NR3C2: variants seen among roughly 807,000 people sequenced by gnomAD.
NR3C2 encodes mineralocorticoid receptor.
NR3C2 carries 15 observed loss-of-function variants against 86.4 expected under a neutral mutation model. That is an observed-to-expected ratio of 0.17 (90% CI 0.12 to 0.27). The LOEUF (loss-of-function observed/expected upper bound fraction) is 0.27, where lower values mean the gene tolerates loss of function less well. NR3C2 is among the 10% of genes least tolerant of loss of function. The pLI is 1.00. For missense variants in NR3C2, 960 were observed against 1,195.6 expected (o/e 0.80, Z 2.91); for synonymous variants, 458 against 450.5 (o/e 1.02, Z -0.21).
intron 8 of NR3C2, among the ~76,000 whole-genome samples, chr4:148,094,572 G>A (rs572548735): frequency 1.3e-3 from 202 of 152,090 alleles, no homozygotes; most frequent in African/African-American, 4.0e-3. Flanking sequence ...AAAATTAGCC[G>A]GGTGTGGTGA....
At chr4:148,149,415 A>ATAT in intron 6 of NR3C2, among the ~76,000 whole-genome samples, 1 of 152,254 alleles carries the variant, frequency 6.6e-6, no homozygotes, top group Admixed American at 6.5e-5. Context: ...TTCAAATATA[A>ATAT]GGTGCTTTCC....
intron 2 of NR3C2, among the ~76,000 whole-genome samples, chr4:148,278,172 G>A (rs1378871172): frequency 6.6e-6 from 1 of 151,934 alleles, no homozygotes; most frequent in Non-Finnish European, 1.5e-5. Context: ...TGTGATCTCG[G>A]ATCACTGCCA....
chr4:148,417,985 G>C (rs1270985036), intron 2 of NR3C2, among the ~76,000 whole-genome samples: 1 of 152,108 alleles, frequency 6.6e-6, no homozygotes, highest in Non-Finnish European at 1.5e-5. Flanking sequence ...CCTATAATCA[G>C]AACACTAGAC....
intron 8 of NR3C2, among the ~76,000 whole-genome samples, chr4:148,083,921 CAG>C (rs1214153830): frequency 2.0e-5 from 3 of 151,826 alleles, no homozygotes; most frequent in Non-Finnish European, 2.9e-5. Context: ...GAAAGAATAT[CAG>C]AGATTTAAGA....
Position 148,278,991 on chromosome 4 carries a change from G to A in NR3C2, c.1758-18874C>T, listed in dbSNP as rs146589222. Reference sequence around the variant, plus strand: ...CAGCCTGGCCACATAGTGAAACCCCGTCCCTACTAAAAATGCAAAAAATTA... The same window carrying A: ...CAGCCTGGCCACATAGTGAAACCCCATCCCTACTAAAAATGCAAAAAATTA... On this transcript the variant is annotated intron_variant, in intron 2 of 8. Coordinates refer to ENST00000358102, the MANE Select transcript of NR3C2 (RefSeq NM_000901.5). Among the ~76,000 whole-genome samples, 454 of 152,028 alleles carry A rather than the reference G, an allele frequency of 3.0e-3. 1 individual carries two copies. Among genetic ancestry groups the A allele is most frequent in the African/African-American group, 9.8e-3 (408 of 41,468 alleles).
intron 4 of NR3C2, among the ~76,000 whole-genome samples, chr4:148,179,288 A>T (rs1172106788): frequency 6.6e-6 from 1 of 151,686 alleles, no homozygotes; most frequent in East Asian, 1.9e-4. Flanking sequence ...TCTTGAGACC[A>T]CCGAGGACAA....
intron 4 of NR3C2, among the ~76,000 whole-genome samples, chr4:148,188,722 A>C (rs1031587698): frequency 1.3e-5 from 2 of 151,976 alleles, no homozygotes; most frequent in African/African-American, 4.8e-5. Context: ...GATACTGTTT[A>C]TTTCTTTCTC....
chr4:148,270,128 C>T (rs1218903500), intron 2 of NR3C2, among the ~76,000 whole-genome samples: 1 of 150,908 alleles, frequency 6.6e-6, no homozygotes, highest in Admixed American at 6.6e-5. Flanking sequence ...GTAAAACATG[C>T]TTCATCATGC....
chr4:148,112,691 G>C (rs1028624702), intron 8 of NR3C2, among the ~76,000 whole-genome samples: 1 of 152,196 alleles, frequency 6.6e-6, no homozygotes, highest in East Asian at 1.9e-4. Flanking sequence ...GAAAAGTTCA[G>C]ATAAAGCAGA....
intron 2 of NR3C2, among the ~76,000 whole-genome samples, chr4:148,395,388 G>A: frequency 6.6e-6 from 1 of 152,072 alleles, no homozygotes; most frequent in African/African-American, 2.4e-5. Flanking sequence ...TCTGGGTTCT[G>A]GAAACATGGC....
chr4:148,163,418 G>A (rs1734748552), intron 4 of NR3C2, among the ~76,000 whole-genome samples: 2 of 151,980 alleles, frequency 1.3e-5, no homozygotes. Context: ...TGAAAAACAG[G>A]AATAAATCCC....
intron 2 of NR3C2, among the ~76,000 whole-genome samples, chr4:148,328,932 GATTTCTTGATGAT>G (rs1345189584): frequency 6.6e-6 from 1 of 152,194 alleles, no homozygotes; most frequent in Non-Finnish European, 1.5e-5. Flanking sequence ...ACTTCTGCTA[GATTTCTTGATGAT>G]AAAACTACAT....
intron 2 of NR3C2, among the ~76,000 whole-genome samples, chr4:148,379,564 G>C (rs1340605809): frequency 6.6e-6 from 1 of 152,128 alleles, no homozygotes; most frequent in East Asian, 1.9e-4. Flanking sequence ...GGGGTCTAAG[G>C]AACCATTGAT....
intron 8 of NR3C2, among the ~76,000 whole-genome samples, chr4:148,089,927 CT>C (rs542284185): frequency 8.5e-4 from 130 of 152,338 alleles, no homozygotes; most frequent in African/African-American, 3.0e-3. Context: ...GGACTTTTTC[CT>C]TTTCTTACAG....
intron 2 of NR3C2, among the ~76,000 whole-genome samples, chr4:148,380,985 G>C (rs1746950470): frequency 6.6e-6 from 1 of 152,102 alleles, no homozygotes; most frequent in African/African-American, 2.4e-5. Flanking sequence ...TTAGAACTTT[G>C]GGAAGCTGAA....
intron 1 of NR3C2, among the ~76,000 whole-genome samples, chr4:148,440,682 C>T (rs192881643): frequency 1.3e-5 from 2 of 152,286 alleles, no homozygotes; most frequent in African/African-American, 4.8e-5. Context: ...TACTTTAAGC[C>T]ATACATATGC....
intron 3 of NR3C2, among the ~76,000 whole-genome samples, chr4:148,225,476 C>T (rs1006364891): frequency 6.6e-6 from 1 of 152,002 alleles, no homozygotes; most frequent in Admixed American, 6.6e-5. Context: ...ACTTTGTTTT[C>T]AAGTTTATAC....
At chr4:148,411,567 T>G (rs1748705039) in intron 2 of NR3C2, among the ~76,000 whole-genome samples, 1 of 152,210 alleles carries the variant, frequency 6.6e-6, no homozygotes, top group Admixed American at 6.5e-5. Flanking sequence ...GTTTTAGATT[T>G]TTATATAAAC....
At chr4:148,094,247 G>C (rs1244530120) in intron 8 of NR3C2, among the ~76,000 whole-genome samples, 1 of 152,220 alleles carries the variant, frequency 6.6e-6, no homozygotes, top group African/African-American at 2.4e-5. Flanking sequence ...AGGATATAGA[G>C]AAATTGGAAC....
Sources: gnomAD v4.1 joint callset for allele counts (sites outside exome capture counted in the v4.1 genomes callset) on GRCh38, gnomAD v4.1.1 for gene constraint, MANE v1.5 for transcripts, NCBI Gene and HGNC (gene_info 2026-07-23, HGNC 2026-07-21) for gene names.